The following PHACTR3 variants were observed in gnomAD, a reference collection of about 807,000 sequenced individuals.
PHACTR3 encodes the protein phosphatase and actin regulator 3.
In PHACTR3, 16 loss-of-function variants were observed where a neutral mutation model predicts 66.8. That is an observed-to-expected ratio of 0.24 (90% CI 0.16 to 0.36). The LOEUF (loss-of-function observed/expected upper bound fraction) is 0.36, where lower values mean the gene tolerates loss of function less well. Ranked by LOEUF, PHACTR3 falls within the 10% of genes least tolerant of loss-of-function variation. The probability of loss-of-function intolerance (pLI) is 1.00; values close to 1 mark genes in which losing one functional copy is unlikely to be tolerated. For missense variants in PHACTR3, 647 were observed against 719.9 expected (o/e 0.90, Z 1.16); for synonymous variants, 323 against 292.1 (o/e 1.11, Z -1.08).
Position 59,830,475 on chromosome 20 carries a change from G to A in PHACTR3, c.1329-6030G>A, listed in dbSNP as rs1361340922. Among the ~76,000 whole-genome samples, 1 of 152,132 alleles carries A rather than the reference G, an allele frequency of 6.6e-6. No individual in the cohort carries two copies. Among genetic ancestry groups the A allele is most frequent in the Non-Finnish European group, 1.5e-5 (1 of 68,008 alleles). ...GAAGATGTGAACATCTGATGGAGGT[G>A]TGAATGAGCAGATGTTGAAAGAGGG... is the stretch of plus-strand genomic sequence containing the variant. On this transcript the variant is annotated intron_variant, in intron 8 of 12. Transcript: ENST00000371015. The surrounding 1 kb of genome is among the most constrained non-coding windows in gnomAD (Gnocchi z 5.8).
At chr20:59,825,459 G>C (rs1307044405) in intron 8 of PHACTR3, among the ~76,000 whole-genome samples, 1 of 152,096 alleles carries the variant, frequency 6.6e-6, no homozygotes, top group Non-Finnish European at 1.5e-5. Flanking sequence ...CATTCATTCA[G>C]TCACTCATTC....
intron 1 of PHACTR3, among the ~76,000 whole-genome samples, chr20:59,720,192 T>C (rs2038242691): frequency 6.6e-6 from 1 of 152,168 alleles, no homozygotes; most frequent in South Asian, 2.1e-4. Flanking sequence ...GGCTAGCATA[T>C]CTGGTCCGAA....
intron 1 of PHACTR3, among the ~76,000 whole-genome samples, chr20:59,722,904 C>G (rs1056933537): frequency 6.6e-6 from 1 of 152,054 alleles, no homozygotes; most frequent in African/African-American, 2.4e-5. Flanking sequence ...CACGTGCTAT[C>G]AGATGGACTC....
intron 1 of PHACTR3, among the ~76,000 whole-genome samples, chr20:59,694,323 A>G (rs1469769356): frequency 6.6e-6 from 1 of 152,090 alleles, no homozygotes; most frequent in Non-Finnish European, 1.5e-5. Flanking sequence ...TCACATACAC[A>G]GGTGGAAGTG....
At chr20:59,749,444 TTGTC>T (rs1341246378) in intron 3 of PHACTR3, among the ~76,000 whole-genome samples, 1 of 152,190 alleles carries the variant, frequency 6.6e-6, no homozygotes, top group East Asian at 1.9e-4. Context: ...CAAGATGACT[TTGTC>T]TGATGAAGTC....
chr20:59,841,255 GCTT>G (rs2059055225), intron 10 of PHACTR3, 137 bp from the exon 11 acceptor site: 2 of 744,154 alleles, frequency 2.7e-6, no homozygotes, highest in Middle Eastern at 3.9e-4. Flanking sequence ...ATTAGAGATT[GCTT>G]GTATTTGGGT....
chr20:59,577,811 C>T (rs1229422175), intron 1 of PHACTR3, among the ~76,000 whole-genome samples: 2 of 152,196 alleles, frequency 1.3e-5, no homozygotes, highest in Admixed American at 6.5e-5. Context: ...CTCCCCCTCG[C>T]AGCAAAGTCA....
intron 8 of PHACTR3, among the ~76,000 whole-genome samples, chr20:59,821,983 C>CCCACCCCTTCCCCAGCAATT: frequency 7.2e-6 from 1 of 139,460 alleles, no homozygotes; most frequent in East Asian, 2.5e-4. Context: ...CTGCAGCGAT[C>CCCACCCCTTCCCCAGCAATT]CCACCCCTTC....
intron 1 of PHACTR3, among the ~76,000 whole-genome samples, chr20:59,591,784 C>A (rs186099121): frequency 6.6e-6 from 1 of 152,076 alleles, no homozygotes; most frequent in Non-Finnish European, 1.5e-5. Flanking sequence ...TGTGGCTCCC[C>A]GCAGCAGGGC....
intron 1 of PHACTR3, among the ~76,000 whole-genome samples, chr20:59,688,612 G>A (rs888606735): frequency 1.3e-5 from 2 of 152,122 alleles, no homozygotes; most frequent in Admixed American, 1.3e-4. Context: ...CGTGTTTTGT[G>A]TATTGAAGCC....
chr20:59,799,830 T>G (rs1486242738), intron 7 of PHACTR3, among the ~76,000 whole-genome samples: 1 of 152,184 alleles, frequency 6.6e-6, no homozygotes, highest in African/African-American at 2.4e-5. Context: ...AACTCTACCG[T>G]CTGGCAATTT....
intron 11 of PHACTR3, 125 bp downstream of exon 11, chr20:59,841,660 T>C: frequency 1.0e-6 from 1 of 985,382 alleles, no homozygotes; most frequent in Non-Finnish European, 1.4e-6. Flanking sequence ...CTGCAGTAAA[T>C]ATTGGTTTCT....
rs112990478 is a variant in PHACTR3 at position 59,764,589 on chromosome 20, C to T, written c.542-2597C>T. The stretch of plus-strand genomic sequence containing the variant: ...GTCACTCGTCTGTAAATAGGTCAAA[C>T]GTATGGAGGAAGGGGGCGGATGCTG... On this transcript the variant is annotated intron_variant, in intron 4 of 12. Transcript: ENST00000371015. 2.0e-3 allele frequency among the ~76,000 whole-genome samples: 305 copies of T among 152,194 alleles called. 5 individuals are homozygous for T. The highest frequency in any genetic ancestry group is 6.9e-3 in the African/African-American group (288 of 41,540).
chr20:59,821,429 A>G (rs2042026008), intron 8 of PHACTR3, among the ~76,000 whole-genome samples: 1 of 152,090 alleles, frequency 6.6e-6, no homozygotes, highest in Admixed American at 6.5e-5. Flanking sequence ...TCAAGTCCCA[A>G]AGGGGCATAC....
chr20:59,698,068 T>G (rs2037365208), intron 1 of PHACTR3, among the ~76,000 whole-genome samples: 1 of 152,130 alleles, frequency 6.6e-6, no homozygotes, highest in African/African-American at 2.4e-5. Flanking sequence ...TTGTGTGTAA[T>G]TATGAAAAAC....
At chr20:59,746,109 A>C (rs1248937796) in intron 2 of PHACTR3, among the ~76,000 whole-genome samples, 1 of 152,200 alleles carries the variant, frequency 6.6e-6, no homozygotes, top group Non-Finnish European at 1.5e-5. Context: ...GCACCTGGAA[A>C]TTGGCTTGGA....
chr20:59,802,819 T>G (rs902963906), intron 7 of PHACTR3, among the ~76,000 whole-genome samples: 1 of 152,248 alleles, frequency 6.6e-6, no homozygotes, highest in African/African-American at 2.4e-5. Context: ...ATCAGGGTTT[T>G]ACTTTTTAGT....
At chr20:59,704,952 C>G (rs1489834153) in intron 1 of PHACTR3, among the ~76,000 whole-genome samples, 1 of 149,792 alleles carries the variant, frequency 6.7e-6, no homozygotes, top group Non-Finnish European at 1.5e-5. Context: ...GTATTTAAGA[C>G]TTTCTCTTTT....
chr20:59,637,885 G>A (rs557306402), intron 1 of PHACTR3, among the ~76,000 whole-genome samples: 1 of 152,294 alleles, frequency 6.6e-6, no homozygotes, highest in East Asian at 1.9e-4. Context: ...TATCTGCCAA[G>A]CACATAGTTC....
Sources: allele counts gnomAD v4.1 joint callset (sites outside exome capture counted in the v4.1 genomes callset), GRCh38; gene constraint gnomAD v4.1.1; non-coding constraint Gnocchi (gnomAD v3.1); transcripts MANE v1.5; gene names NCBI Gene and HGNC (gene_info 2026-07-23, HGNC 2026-07-21).